Variants in FRAS1 observed in about 807,000 individuals in gnomAD.
The protein encoded by FRAS1 is extracellular matrix organizing protein FRAS1.
Under a neutral mutation model 435.2 loss-of-function variants are expected in FRAS1, and 290 were observed. That is an observed-to-expected ratio of 0.67 (90% CI 0.61 to 0.73). FRAS1 has a LOEUF of 0.73. Ranked by LOEUF, FRAS1 falls within the 30% of genes least tolerant of loss-of-function variation. The pLI, the probability that FRAS1 is intolerant of heterozygous loss-of-function variation, is 0.00. For synonymous variants in FRAS1, 1,800 were observed against 1,851.0 expected, an observed-to-expected ratio of 0.97 and a Z score of 0.71; for missense variants, 4,860 against 5,001.5, an observed-to-expected ratio of 0.97 and a Z score of 0.85.
intron 51 of FRAS1, among the ~76,000 whole-genome samples, chr4:78,471,308 A>G (rs74724371): frequency 0.012 from 1,817 of 152,214 alleles, 32 homozygotes; most frequent in African/African-American, 0.042. Context: ...CCATGGAGCT[A>G]ATTAGTTCAT....
chr4:78,187,062 G>C (rs1722303812), intron 2 of FRAS1, among the ~76,000 whole-genome samples: 1 of 152,150 alleles, frequency 6.6e-6, no homozygotes, highest in Non-Finnish European at 1.5e-5. Context: ...GAGAAACTGT[G>C]GTCAACTCTC....
intron 32 of FRAS1, among the ~76,000 whole-genome samples, chr4:78,415,112 C>T (rs1347205144): frequency 6.6e-6 from 1 of 152,190 alleles, no homozygotes; most frequent in African/African-American, 2.4e-5. Flanking sequence ...CCCTCTGAGT[C>T]CCCAAAGTCC....
chr4:78,229,019 C>T (rs1738825321), intron 2 of FRAS1, among the ~76,000 whole-genome samples: 1 of 152,160 alleles, frequency 6.6e-6, no homozygotes, highest in Non-Finnish European at 1.5e-5. Flanking sequence ...TTTAGCATTG[C>T]TACCTGACTT....
chr4:78,534,733 C>T (rs1721828674), intron 71 of FRAS1, 118 bp downstream of exon 71: 1 of 951,450 alleles, frequency 1.1e-6, no homozygotes. Context: ...AGTAAAGATC[C>T]CCCAGGGTTG....
chr4:78,320,409 C>T (rs1170313320), intron 18 of FRAS1, among the ~76,000 whole-genome samples: 1 of 152,098 alleles, frequency 6.6e-6, no homozygotes, highest in Non-Finnish European at 1.5e-5. Flanking sequence ...ACCCCACAGA[C>T]TCTGGTGGGA....
In FRAS1 at chr4:78,499,759, C is replaced by G. The variant is rs779931297; in HGVS notation, c.9154C>G (p.Arg3052Gly). Residue 3052 changes from arginine to glycine, a missense_variant, in exon 61 of 74, where the codon CGG becomes GGG. Coordinates refer to ENST00000512123, the MANE Select transcript of FRAS1 (RefSeq NM_025074.7). ...IEFEEAAYQV[R>G]EPAGPDAIAI... ...GTTTGAAGAAGCTGCATACCAAGTC[C>G]GGGAACCCGCAGGCCCAGATGCCAT... The G allele has an allele frequency of 5.0e-6, 8 of 1,613,856 alleles. No individual in the cohort carries two copies. Among genetic ancestry groups the G allele is most frequent in the South Asian group, 1.1e-5 (1 of 91,072 alleles).
chr4:78,240,412 T>C (rs72862191), intron 3 of FRAS1, among the ~76,000 whole-genome samples: 3,158 of 152,166 alleles, frequency 0.021, 69 homozygotes, highest in African/African-American at 0.057. Flanking sequence ...CAGAACTGGC[T>C]GAAGGTAGGA....
At chr4:78,161,361 G>A (rs956136691) in intron 2 of FRAS1, among the ~76,000 whole-genome samples, 3 of 151,994 alleles carry the variant, frequency 2.0e-5, no homozygotes, top group Admixed American at 6.6e-5. Context: ...TAAAGACGTC[G>A]GGTTTGGATA....
intron 9 of FRAS1, among the ~76,000 whole-genome samples, chr4:78,272,063 C>G (rs1578219257): frequency 6.6e-6 from 1 of 152,180 alleles, no homozygotes; most frequent in East Asian, 1.9e-4. Flanking sequence ...CTCTGATGAC[C>G]AGTGACGATG....
chr4:78,412,905 C>A, intron 31 of FRAS1, 64 bp from the exon 32 acceptor site: 2 of 923,944 alleles, frequency 2.2e-6, no homozygotes, highest in Non-Finnish European at 3.2e-6. Flanking sequence ...AGGGAAAAAC[C>A]CACGTACTAA....
intron 9 of FRAS1, among the ~76,000 whole-genome samples, chr4:78,274,481 T>C (rs564101412): frequency 6.6e-6 from 1 of 152,342 alleles, no homozygotes; most frequent in East Asian, 1.9e-4. Context: ...TACACACTGC[T>C]TTACATGTGT....
At chr4:78,297,548 C>T (rs34304637) in intron 14 of FRAS1, among the ~76,000 whole-genome samples, 10,830 of 152,126 alleles carry the variant, frequency 0.071, 455 homozygotes, top group Non-Finnish European at 0.091. Context: ...AAAGAATTGC[C>T]AAAAGAAAAG....
rs114962315 is a variant in FRAS1, at chr4:78,446,602, T to C, written c.5857-125T>C. 1.5e-4 allele frequency: 212 copies of C among 1,418,722 alleles called. 2 individuals carry two copies. In the African/African-American group the frequency reaches 2.8e-3, roughly 19 times the overall value. 87.9% of individuals were successfully genotyped at this position (1,418,722 alleles called of 1,614,324 possible). On this transcript the variant is annotated intron_variant, in intron 42 of 73. Transcript: ENST00000512123. The stretch of plus-strand genomic sequence containing the variant: ...AACTATTTTGCTTGGGAAGTAAAGA[T>C]GGTGCCACATTAAATGCTATTTTGA...
chr4:78,335,909 T>G (rs1175138682), intron 19 of FRAS1, among the ~76,000 whole-genome samples: 1 of 150,946 alleles, frequency 6.6e-6, no homozygotes, highest in East Asian at 1.9e-4. Context: ...GGTGGTTTTT[T>G]TTTTTTTTTT....
chr4:78,473,192 C>T (rs1219283163), intron 52 of FRAS1, among the ~76,000 whole-genome samples: 1 of 152,138 alleles, frequency 6.6e-6, no homozygotes, highest in African/African-American at 2.4e-5. Flanking sequence ...CATTTTATAA[C>T]AGCATAAGAG....
chr4:78,229,522 C>T (rs531459996), intron 2 of FRAS1, among the ~76,000 whole-genome samples: 48 of 152,206 alleles, frequency 3.2e-4, no homozygotes, highest in African/African-American at 1.1e-3. Context: ...GGCATGCAAA[C>T]ATATTGGGCA....
At chr4:78,374,674 C>A (rs965599925) in intron 25 of FRAS1, among the ~76,000 whole-genome samples, 31 of 152,144 alleles carry the variant, frequency 2.0e-4, no homozygotes, top group African/African-American at 7.0e-4. Flanking sequence ...TTCAGTGAAA[C>A]ACACTGGAGC....
intron 2 of FRAS1, among the ~76,000 whole-genome samples, chr4:78,144,144 A>T (rs1275841266): frequency 6.6e-6 from 1 of 152,006 alleles, no homozygotes; most frequent in African/African-American, 2.4e-5. Context: ...TTTAAAATAT[A>T]CATATAAATA....
chr4:78,515,122 C>G (rs912025635), intron 65 of FRAS1, among the ~76,000 whole-genome samples: 8 of 151,770 alleles, frequency 5.3e-5, no homozygotes, highest in Admixed American at 3.9e-4. Context: ...GTGTTCAGCT[C>G]CCTACTGCAT....
Sources: allele counts gnomAD v4.1 joint callset (sites outside exome capture counted in the v4.1 genomes callset), GRCh38; gene constraint gnomAD v4.1.1; transcripts MANE v1.5; gene names NCBI Gene and HGNC (gene_info 2026-07-23, HGNC 2026-07-21).